PNPT1: variants seen among roughly 807,000 people sequenced by gnomAD.
PNPT1 encodes the protein polyribonucleotide nucleotidyltransferase 1, also known as polyribonucleotide nucleotidyltransferase 1, mitochondrial.
A neutral mutation model predicts 119.5 loss-of-function variants in PNPT1; 53 were observed. The observed-to-expected ratio is 0.44, with a 90% CI of 0.36 to 0.56. The LOEUF (loss-of-function observed/expected upper bound fraction) is 0.56, where lower values mean the gene tolerates loss of function less well. PNPT1 is among the 20% of genes least tolerant of loss of function. The probability of loss-of-function intolerance (pLI) is 0.00; values close to 1 mark genes in which losing one functional copy is unlikely to be tolerated. For missense variants in PNPT1, 948 were observed against 938.5 expected (o/e 1.01, Z -0.13); for synonymous variants, 357 against 322.1 (o/e 1.11, Z -1.16).
intron 17 of PNPT1, among the ~76,000 whole-genome samples, chr2:55,655,278 A>T (rs1020154362): frequency 1.3e-5 from 2 of 152,142 alleles, no homozygotes; most frequent in African/African-American, 2.4e-5. Flanking sequence ...ATGGAGTCTC[A>T]GCCTGCCACC....
At chr2:55,659,489 CT>C (rs1177173101) in intron 15 of PNPT1, among the ~76,000 whole-genome samples, 1 of 150,466 alleles carries the variant, frequency 6.6e-6, no homozygotes, top group Non-Finnish European at 1.5e-5. Flanking sequence ...AAAAACTCTA[CT>C]TTTGTTTGAC....
At chr2:55,687,602 G>A (rs182905100) in intron 2 of PNPT1, 43 bp downstream of exon 2, 47 of 1,460,526 alleles carry the variant, frequency 3.2e-5, no homozygotes, top group African/African-American at 8.6e-5. Flanking sequence ...ATGAGTCTCC[G>A]TAACCATTTT....
At chr2:55,654,666 T>C (rs1696327437) in intron 18 of PNPT1, among the ~76,000 whole-genome samples, 1 of 152,248 alleles carries the variant, frequency 6.6e-6, no homozygotes, top group South Asian at 2.1e-4. Flanking sequence ...AATCTGACTT[T>C]GAGTTTTACT....
intron 8 of PNPT1, among the ~76,000 whole-genome samples, chr2:55,676,641 C>T: frequency 6.6e-6 from 1 of 152,156 alleles, no homozygotes; most frequent in East Asian, 1.9e-4. Flanking sequence ...GCAGGTGGAT[C>T]ACCTGAGGTC....
intron 23 of PNPT1, among the ~76,000 whole-genome samples, 198 bp from the exon 24 acceptor site, chr2:55,643,623 C>T (rs1339411536): frequency 2.0e-5 from 3 of 152,028 alleles, no homozygotes; most frequent in African/African-American, 4.8e-5. Flanking sequence ...GTAGCATGTG[C>T]CCACCTACTT....
intron 18 of PNPT1, among the ~76,000 whole-genome samples, chr2:55,652,603 T>G (rs1696245995): frequency 6.6e-6 from 1 of 152,182 alleles, no homozygotes; most frequent in Admixed American, 6.5e-5. Context: ...TTGATCAGAT[T>G]AAGCAGTCCC....
At chr2:55,683,399 G>C (rs1697306190) in intron 5 of PNPT1, among the ~76,000 whole-genome samples, 1 of 152,120 alleles carries the variant, frequency 6.6e-6, no homozygotes, top group Non-Finnish European at 1.5e-5. Context: ...CGGATCACAA[G>C]GTCAGGAGTT....
chr2:55,640,842 A>G (rs1695812594), intron 25 of PNPT1, 137 bp from the exon 26 acceptor site: 1 of 588,208 alleles, frequency 1.7e-6, no homozygotes, highest in South Asian at 2.3e-5. Context: ...AGAACTATAA[A>G]AAGTATACTT....
intron 18 of PNPT1, among the ~76,000 whole-genome samples, chr2:55,651,885 C>CAAAAAAAAAAAAAAAAAAAAAAAAAAAA: frequency 8.3e-6 from 1 of 119,774 alleles, no homozygotes; most frequent in Non-Finnish European, 1.7e-5. Context: ...AAAGGAAAGT[C>CAAAAAAAAAAAAAAAAAAAAAAAAAAAA]AAAAAAAAAA....
intron 8 of PNPT1, among the ~76,000 whole-genome samples, chr2:55,678,945 C>T (rs1292182638): frequency 6.6e-6 from 1 of 152,168 alleles, no homozygotes; most frequent in Non-Finnish European, 1.5e-5. Context: ...GTTCCCACAT[C>T]AGAAGACCCT....
chr2:55,664,475 G>A (rs1243575402), intron 13 of PNPT1, among the ~76,000 whole-genome samples: 2 of 152,128 alleles, frequency 1.3e-5, no homozygotes, highest in Non-Finnish European at 2.9e-5. Context: ...AAAGTTGTGA[G>A]AAGTTATGGA....
At position 55,634,679 on chromosome 2, in the gene PNPT1, C is replaced by CTGAG. The variant is rs1244925882; in HGVS notation, c.*1554_*1557dup. The CTGAG allele has an allele frequency of 3.3e-5, 5 of 151,184 alleles. No individual in the cohort carries two copies. The highest frequency in any genetic ancestry group is 7.4e-5 in the Non-Finnish European group (5 of 67,948). 9.4% of individuals were successfully genotyped at this position (151,184 alleles called of 1,614,324 possible). On this transcript the variant is annotated 3_prime_UTR_variant, in exon 28 of 28. Transcript: ENST00000447944. ...CAAGAGATTCTCCTGCCTCAGCCTC[C>CTGAG]TGAGTAGCTGGGATTACAGGCGCCC...
Position 55,647,384 on chromosome 2 carries a change from C to G in PNPT1, c.1565G>C (p.Gly522Ala), listed in dbSNP as rs755262977. The change falls in exon 19 of 28, where the codon GGT becomes GCT. Residue 522 changes from glycine to alanine, a missense_variant. Physicochemically the swap from Gly to Ala is moderately conservative, Grantham distance 60 (BLOSUM62 0). Coordinates refer to ENST00000447944, the MANE Select transcript of PNPT1 (RefSeq NM_033109.5). ...GLVTKTDPEK[G>A]EIEDYRLLTD... ...CAGCAAACGATAATCTTCTATTTCA[C>G]CCTTCTCAGGATCGGTTTTGGTGAC... 6.8e-6 allele frequency: 11 copies of G among 1,609,926 alleles called. No homozygotes were observed. The South Asian group carries it at 1.0e-4, about 15-fold the overall frequency.
At position 55,654,681 on chromosome 2, in the gene PNPT1, C is replaced by T. The variant is rs782569; in HGVS notation, c.1495+219G>A. 0.93 allele frequency among the ~76,000 whole-genome samples: 141,712 copies of T among 152,284 alleles called. 66,496 individuals carry two copies. The highest frequency in any genetic ancestry group is 0.97 in the African/African-American group (40,378 of 41,566). On this transcript the variant is annotated intron_variant, in intron 18 of 27. Coordinates refer to ENST00000447944, the MANE Select transcript of PNPT1 (RefSeq NM_033109.5). ...AATCTGACTTTGAGTTTTACTAAAA[C>T]CCAAATTTAAAGAAATCTTATATTT... is the stretch of plus-strand genomic sequence containing the variant.
At chr2:55,691,752 G>T (rs1051953787) in intron 1 of PNPT1, among the ~76,000 whole-genome samples, 6 of 151,070 alleles carry the variant, frequency 4.0e-5, no homozygotes, top group Non-Finnish European at 8.8e-5. Context: ...ATTAATGAAT[G>T]CTGGGAGTGG....
chr2:55,660,725 A>G (rs1381683301), intron 14 of PNPT1, among the ~76,000 whole-genome samples: 1 of 152,226 alleles, frequency 6.6e-6, no homozygotes, highest in Non-Finnish European at 1.5e-5. Flanking sequence ...AGTTCATTTG[A>G]TAAGAAATAG....
intron 9 of PNPT1, among the ~76,000 whole-genome samples, chr2:55,672,555 C>T (rs1696947037): frequency 6.6e-6 from 1 of 152,196 alleles, no homozygotes; most frequent in African/African-American, 2.4e-5. Flanking sequence ...ACAGTGATTA[C>T]CTCTGATTTC....
chr2:55,640,546 A>T, intron 26 of PNPT1, 81 bp downstream of exon 26: 1 of 1,213,104 alleles, frequency 8.2e-7, no homozygotes, highest in Non-Finnish European at 1.2e-6. Flanking sequence ...CAAAGTGTAT[A>T]ATTCTTACCA....
At chr2:55,644,958 A>C (rs530893112) in intron 22 of PNPT1, 19 of 380,470 alleles carry the variant, frequency 5.0e-5, no homozygotes, top group Non-Finnish European at 8.3e-5. Flanking sequence ...GCACTGGGTA[A>C]AAACAATTTA....
Sources: allele counts gnomAD v4.1 joint callset (sites outside exome capture counted in the v4.1 genomes callset), GRCh38; gene constraint gnomAD v4.1.1; transcripts MANE v1.5; gene names NCBI Gene and HGNC (gene_info 2026-07-23, HGNC 2026-07-21).